The following MYO15A variants were observed in gnomAD, a reference collection of about 807,000 sequenced individuals.
MYO15A encodes unconventional myosin-XV.
In MYO15A, 308 loss-of-function variants were observed where a neutral mutation model predicts 394.6. That is an observed-to-expected ratio of 0.78 (90% CI 0.71 to 0.86). The LOEUF is 0.86. Ranked by LOEUF, MYO15A falls within the 40% of genes least tolerant of loss-of-function variation. MYO15A has a pLI of 0.00. For missense variants in MYO15A, 4,606 were observed against 4,799.1 expected (o/e 0.96, Z 1.19); for synonymous variants, 1,957 against 2,003.8 (o/e 0.98, Z 0.62).
At chr17:18,156,933 C>A in intron 48 of MYO15A, 21 bp from the exon 49 acceptor site, 5 of 1,610,644 alleles carry the variant, frequency 3.1e-6, no homozygotes, top group Non-Finnish European at 3.4e-6. Context: ...GTTGCCCTCA[C>A]CCTGCCTCTG....
intron 1 of MYO15A, chr17:18,110,566 C>T (rs1225497085): frequency 2.6e-5 from 4 of 152,232 alleles, no homozygotes; most frequent in Non-Finnish European, 5.9e-5. Flanking sequence ...GGGACACAGG[C>T]CCCATGGCTT....
intron 7 of MYO15A, among the ~76,000 whole-genome samples, chr17:18,130,272 A>G (rs947960893): frequency 6.6e-6 from 1 of 152,168 alleles, no homozygotes; most frequent in Non-Finnish European, 1.5e-5. Context: ...GAGATGTGCA[A>G]ACAGTAGATC....
In MYO15A at chr17:18,174,071, C is replaced by T. The variant is rs1208403833; in HGVS notation, c.10491+150C>T. On this transcript the variant is annotated intron_variant, in intron 65 of 65. Transcript: ENST00000647165. Reference sequence around the variant, plus strand: ...CACAGCACAGCACGGAACTGCAGATCATTATGGGTGGCCATCCAGGGAAGC... The same window carrying T: ...CACAGCACAGCACGGAACTGCAGATTATTATGGGTGGCCATCCAGGGAAGC... 27 of 1,180,078 alleles carry T rather than the reference C, an allele frequency of 2.3e-5. No individual in the cohort carries two copies. In the South Asian group the frequency reaches 3.6e-4, roughly 16 times the overall value. The allele number at this position is 1,180,078 out of a possible 1,614,324, so 73.1% of individuals were successfully genotyped here.
At chr17:18,159,419 C>T (rs2046741296) in intron 54 of MYO15A, 72 bp downstream of exon 54, 2 of 1,556,182 alleles carry the variant, frequency 1.3e-6, no homozygotes, top group African/African-American at 1.4e-5. Context: ...CTACTGGTTG[C>T]CACTCCTCCC....
intron 12 of MYO15A, among the ~76,000 whole-genome samples, 156 bp downstream of exon 12, chr17:18,133,542 C>T (rs530283934): frequency 6.6e-6 from 1 of 152,260 alleles, no homozygotes; most frequent in Admixed American, 6.5e-5. Flanking sequence ...TCTTTTTCCT[C>T]CTTATATATA....
Position 18,158,619 on chromosome 17 carries a change from G to C in MYO15A, c.9064G>C (p.Asp3022His). Residue 3022 changes from aspartate (D) to histidine (H), a missense_variant, in exon 52 of 66, where the codon GAC becomes CAC. Around this residue, in one of 2 missense-constraint regions of MYO15A, gnomAD observed 2,776 missense variants for 3,109.3 expected, o/e 0.89. Transcript: ENST00000647165. The stretch of plus-strand genomic sequence containing the variant: ...CGAGTTTGCCCAGAAGTATTTCCGA[G>C]ACCCTCAGAGGAGACCCCAGTGAGT... Reference protein sequence around the residue: ...MLEFAQKYFRDPQRRPQDGLR... With the variant: ...MLEFAQKYFRHPQRRPQDGLR... 3 of 1,614,178 alleles carry C rather than the reference G, an allele frequency of 1.9e-6. No homozygotes were observed. The highest frequency in any genetic ancestry group is 2.5e-6 in the Non-Finnish European group (3 of 1,180,010).
Position 18,140,822 on chromosome 17 carries a change from A to G in MYO15A, c.5396A>G (p.Asn1799Ser). 3 of 1,614,100 alleles carry G rather than the reference A, an allele frequency of 1.9e-6. No individual in the cohort carries two copies. The highest frequency in any genetic ancestry group is 2.5e-6 in the Non-Finnish European group (3 of 1,180,026). ...NPLFMRCLKPNHKKEPGLFEP... is the reference protein window; with the variant it reads ...NPLFMRCLKPSHKKEPGLFEP... The stretch of plus-strand genomic sequence containing the variant: ...TTGTTCATGCGTTGCCTGAAGCCCA[A>G]CCACAAGAAGGTGAGTGAGAGCTGA... The change falls in exon 21 of 66, where the codon AAC becomes AGC. Residue 1799 changes from asparagine to serine, a missense_variant. Transcript: ENST00000647165.
At chr17:18,146,153 C>G (rs1481482988) in intron 30 of MYO15A, 46 bp downstream of exon 30, 1 of 1,583,276 alleles carries the variant, frequency 6.3e-7, no homozygotes, top group East Asian at 2.3e-5. Flanking sequence ...ACGGTGGCAC[C>G]AGCAGTGGAG....
At chr17:18,151,053 C>T in intron 38 of MYO15A, 57 bp from the exon 39 acceptor site, 4 of 1,611,530 alleles carry the variant, frequency 2.5e-6, no homozygotes, top group Non-Finnish European at 3.4e-6. Flanking sequence ...ATCTGGAGTC[C>T]CAGAGAGCAG....
At chr17:18,159,584 G>A in intron 54 of MYO15A, 22 bp from the exon 55 acceptor site, 1 of 1,613,094 alleles carries the variant, frequency 6.2e-7, no homozygotes, top group South Asian at 1.1e-5. Context: ...GTGGGTCTGA[G>A]TGGGATAGGT....
rs769809818 is a variant in MYO15A, at chr17:18,135,848, T to C, written c.4596+24T>C. The C allele has an allele frequency of 4.8e-5, 77 of 1,602,202 alleles. 1 individual carries two copies. The Admixed American group carries it at 6.9e-4, about 14-fold the overall frequency. On this transcript the variant is annotated intron_variant, in intron 13 of 65. Coordinates refer to ENST00000647165, the MANE Select transcript of MYO15A (RefSeq NM_016239.4). ...CCGTGAGTCTGTGGGCATCTGGCCTTCGAACAAAGCTTTCTACCAGGGCCT... is the reference window on the plus strand; with the variant it reads ...CCGTGAGTCTGTGGGCATCTGGCCTCCGAACAAAGCTTTCTACCAGGGCCT...
chr17:18,163,386 C>T, intron 59 of MYO15A, 65 bp downstream of exon 59: 1 of 1,526,896 alleles, frequency 6.5e-7, no homozygotes, highest in South Asian at 1.1e-5. Context: ...AGCCCAGGCT[C>T]CAGGATGGGG....
rs773780898 is a variant in MYO15A at position 18,119,979 on chromosome 17, C to A, written c.1179C>A (p.Tyr393Ter). Reference protein sequence around the residue: ...GVYGGGDEAIYPPEVPYFYPE... With the variant: ...GVYGGGDEAI ...ATGGCGGTGGGGACGAGGCCATCTA[C>A]CCCCCCGAGGTGCCCTATTTTTACC... The change falls in exon 2 of 66, where the codon TAC becomes TAA. Residue 393 changes from tyrosine to a stop codon, truncating the protein, a stop_gained. Coordinates refer to ENST00000647165, the MANE Select transcript of MYO15A (RefSeq NM_016239.4). LOFTEE classifies it high-confidence loss of function. 1.2e-6 allele frequency: 2 copies of A among 1,613,684 alleles called. No homozygotes were observed. Among genetic ancestry groups the A allele is most frequent in the South Asian group, 2.2e-5 (2 of 91,080 alleles).
chr17:18,161,454 G>A lies in MYO15A; in HGVS notation c.9517+7G>A, dbSNP rs2046776564. ...CCAGGCCTGCCCTTTCAGGGTGAGA[G>A]GTCAATGAGTGGGAACCCAGGGCTG... On this transcript the variant is annotated splice_region_variant and intron_variant, in intron 57 of 65. Transcript: ENST00000647165. 1.2e-6 allele frequency: 2 copies of A among 1,613,294 alleles called. No individual in the cohort carries two copies. Among genetic ancestry groups the A allele is most frequent in the African/African-American group, 1.3e-5 (1 of 74,932 alleles).
intron 56 of MYO15A, chr17:18,161,071 G>C (rs549581503): frequency 3.0e-6 from 2 of 661,144 alleles, no homozygotes. Context: ...GAATAGGAGA[G>C]GAAAGAGTCG....
chr17:18,178,099 C>A (rs761343586), intron 65 of MYO15A: 1 of 155,140 alleles, frequency 6.4e-6, no homozygotes, highest in Non-Finnish European at 1.4e-5. Flanking sequence ...TGGCCGGGCG[C>A]GGTGGCTCAT....
chr17:18,149,030 C>T (rs990822013), intron 33 of MYO15A, 78 bp downstream of exon 33: 73 of 1,515,560 alleles, frequency 4.8e-5, no homozygotes, highest in Non-Finnish European at 6.3e-5. Context: ...AGAAGGCCTG[C>T]CCCTCCCAGC....
At chr17:18,175,436 G>T (rs911264834) in intron 65 of MYO15A, among the ~76,000 whole-genome samples, 1 of 151,758 alleles carries the variant, frequency 6.6e-6, no homozygotes, top group Admixed American at 6.6e-5. Flanking sequence ...GACTGCAGGC[G>T]CATGCCACAA....
chr17:18,115,632 G>A (rs1371132812), intron 1 of MYO15A, among the ~76,000 whole-genome samples: 1 of 152,034 alleles, frequency 6.6e-6, no homozygotes, highest in Non-Finnish European at 1.5e-5. Flanking sequence ...AAAAAAGACT[G>A]AGGTCGAATT....
Sources: allele counts gnomAD v4.1 joint callset (sites outside exome capture counted in the v4.1 genomes callset), GRCh38; gene constraint gnomAD v4.1.1; regional missense constraint gnomAD v4.1.1; transcripts MANE v1.5; gene names NCBI Gene and HGNC (gene_info 2026-07-23, HGNC 2026-07-21).